LRRC4C: variants seen among roughly 807,000 people sequenced by gnomAD.
LRRC4C encodes the protein leucine-rich repeat-containing protein 4C.
In LRRC4C, 5 loss-of-function variants were observed where a neutral mutation model predicts 33.6. That is an observed-to-expected ratio of 0.15 (90% CI 0.08 to 0.31). LRRC4C has a LOEUF of 0.31. Ranked by LOEUF, LRRC4C falls within the 10% of genes least tolerant of loss-of-function variation. The pLI is 1.00. For synonymous variants in LRRC4C, 329 were observed against 302.0 expected (o/e 1.09, Z -0.93); for missense variants, 560 against 796.7 (o/e 0.70, Z 3.58).
In LRRC4C at chr11:40,116,073, T is replaced by C. The variant is rs745329871; in HGVS notation, c.220A>G (p.Ile74Val). The change falls in exon 7 of 7, where the codon ATC becomes GTC. Residue 74 changes from isoleucine (I) to valine (V), a missense_variant. This residue lies in a region of LRRC4C where 455 missense variants were observed against 643.8 expected (regional missense o/e 0.71). Transcript: ENST00000528697. Reference protein sequence around the residue: ...RKNLREVPDGISTNTRLLNLH... With the variant: ...RKNLREVPDGVSTNTRLLNLH... ...TTCAGCAGCCGTGTGTTGGTGGAGA[T>C]GCCATCCGGAACCTCACGCAGGTTT... is the stretch of plus-strand genomic sequence containing the variant. The C allele has an allele frequency of 6.2e-7, 1 of 1,614,068 alleles. No individual in the cohort carries two copies. Among genetic ancestry groups the C allele is most frequent in the Non-Finnish European group, 8.5e-7 (1 of 1,180,004 alleles).
intron 1 of LRRC4C, among the ~76,000 whole-genome samples, chr11:41,106,414 A>G (rs1407912972): frequency 1.3e-5 from 2 of 151,572 alleles, no homozygotes; most frequent in Non-Finnish European, 2.9e-5. Flanking sequence ...TGCATTGTCT[A>G]CTTTGATCAT....
chr11:40,220,274 A>G (rs1864305992), intron 5 of LRRC4C, among the ~76,000 whole-genome samples: 1 of 152,136 alleles, frequency 6.6e-6, no homozygotes, highest in African/African-American at 2.4e-5. Flanking sequence ...GTCGACTCCT[A>G]CACCTCCCAA....
chr11:41,064,785 G>A (rs1447875626), intron 1 of LRRC4C, among the ~76,000 whole-genome samples: 1 of 152,212 alleles, frequency 6.6e-6, no homozygotes, highest in East Asian at 1.9e-4. Flanking sequence ...GCAGAAGCAG[G>A]GTGGGGCATT....
chr11:41,385,215 A>C (rs9787876), intron 1 of LRRC4C, among the ~76,000 whole-genome samples: 38,345 of 151,238 alleles, frequency 0.25, 5,645 homozygotes, highest in East Asian at 0.43. Context: ...GCAAATAAAA[A>C]TAAAAATCAT....
chr11:40,197,856 T>C (rs1402428813), intron 5 of LRRC4C, among the ~76,000 whole-genome samples: 1 of 152,216 alleles, frequency 6.6e-6, no homozygotes, highest in African/African-American at 2.4e-5. Flanking sequence ...TAGTCAGCCC[T>C]AGATCAATTC....
intron 4 of LRRC4C, among the ~76,000 whole-genome samples, chr11:40,288,947 C>T (rs967359348): frequency 6.6e-6 from 1 of 152,154 alleles, no homozygotes; most frequent in Non-Finnish European, 1.5e-5. Context: ...AGACCAAAAA[C>T]ACACACAGCA....
intron 1 of LRRC4C, among the ~76,000 whole-genome samples, chr11:41,017,741 T>C (rs962009396): frequency 2.0e-5 from 3 of 150,518 alleles, no homozygotes; most frequent in Non-Finnish European, 4.4e-5. Context: ...TATAGAATAA[T>C]CTTTATACTC....
chr11:40,296,225 T>A (rs1477503008), intron 4 of LRRC4C, among the ~76,000 whole-genome samples: 1 of 152,216 alleles, frequency 6.6e-6, no homozygotes, highest in African/African-American at 2.4e-5. Flanking sequence ...AGCTACAGTA[T>A]CTTTACCCAC....
At chr11:41,134,731 T>C (rs1175904004) in intron 1 of LRRC4C, among the ~76,000 whole-genome samples, 1 of 152,130 alleles carries the variant, frequency 6.6e-6, no homozygotes. Flanking sequence ...TGTGACCTCA[T>C]TTTAACTTAA....
chr11:41,144,249 G>C (rs1171940991), intron 1 of LRRC4C, among the ~76,000 whole-genome samples: 3 of 152,276 alleles, frequency 2.0e-5, no homozygotes, highest in East Asian at 1.9e-4. Flanking sequence ...CAAGGGTATA[G>C]AGTGATTGCT....
In LRRC4C at chr11:40,370,336, G is replaced by A. The variant is rs113195895; in HGVS notation, c.-269-50615C>T. Among the ~76,000 whole-genome samples the A allele has an allele frequency of 9.1e-3, 1,381 of 152,270 alleles. 10 individuals are homozygous for A. Among genetic ancestry groups the A allele is most frequent in the Non-Finnish European group, 0.013 (866 of 68,028 alleles). ...CAACATCTAAAACACTCGCTGAAAC[G>A]ACTGCTGCATATGGTACAGGAGGTT... On this transcript the variant is annotated intron_variant, in intron 3 of 6. Coordinates refer to ENST00000528697, the MANE Select transcript of LRRC4C (RefSeq NM_001258419.2).
At chr11:41,220,529 G>GACAC (rs563005245) in intron 1 of LRRC4C, among the ~76,000 whole-genome samples, 2 of 88,478 alleles carry the variant, frequency 2.3e-5, no homozygotes, top group East Asian at 4.5e-4. Flanking sequence ...TAAACACACA[G>GACAC]ACATACACAC....
intron 1 of LRRC4C, among the ~76,000 whole-genome samples, chr11:41,304,795 G>A (rs1413379283): frequency 9.5e-6 from 1 of 105,526 alleles, no homozygotes; most frequent in Non-Finnish European, 2.0e-5. Flanking sequence ...CGCCCGGCCA[G>A]CCGCCCCATC....
chr11:40,770,508 G>A (rs1014527225), intron 2 of LRRC4C, among the ~76,000 whole-genome samples: 18 of 152,176 alleles, frequency 1.2e-4, no homozygotes, highest in African/African-American at 3.9e-4. Flanking sequence ...CAAACCTCAT[G>A]TTTCTCACAT....
intron 3 of LRRC4C, among the ~76,000 whole-genome samples, chr11:40,593,024 A>G (rs184842191): frequency 1.8e-4 from 27 of 152,348 alleles, no homozygotes; most frequent in African/African-American, 6.3e-4. Flanking sequence ...TGAAGAGAGT[A>G]AATTTACTAA....
At chr11:40,415,021 G>T (rs538333457) in intron 3 of LRRC4C, among the ~76,000 whole-genome samples, 1 of 152,242 alleles carries the variant, frequency 6.6e-6, no homozygotes, top group African/African-American at 2.4e-5. Context: ...TGTTTATGAA[G>T]ATTTTAAACT....
In LRRC4C at chr11:40,346,385, T is replaced by A. The variant is rs1321676257; in HGVS notation, c.-269-26664A>T. 3.3e-5 allele frequency among the ~76,000 whole-genome samples: 5 copies of A among 152,290 alleles called. No individual in the cohort carries two copies. The East Asian group carries it at 9.6e-4, about 29-fold the overall frequency. Reference sequence around the variant, plus strand: ...TGTGCAGCCATAAAAATGAATGAGATCATGTCCTTTGCAGGGACATAGAAG... The same window carrying A: ...TGTGCAGCCATAAAAATGAATGAGAACATGTCCTTTGCAGGGACATAGAAG... On this transcript the variant is annotated intron_variant, in intron 3 of 6. Transcript: ENST00000528697.
At chr11:40,197,726 A>G (rs1862378682) in intron 5 of LRRC4C, among the ~76,000 whole-genome samples, 1 of 152,150 alleles carries the variant, frequency 6.6e-6, no homozygotes, top group Non-Finnish European at 1.5e-5. Context: ...GTTTCATATA[A>G]TCTATTGCAT....
intron 3 of LRRC4C, among the ~76,000 whole-genome samples, chr11:40,343,993 T>G (rs1947002143): frequency 6.6e-6 from 1 of 151,978 alleles, no homozygotes; most frequent in South Asian, 2.1e-4. Context: ...AGTTTCAAAA[T>G]TGAATCAGTA....
Sources: allele counts gnomAD v4.1 joint callset (sites outside exome capture counted in the v4.1 genomes callset), GRCh38; gene constraint gnomAD v4.1.1; regional missense constraint gnomAD v4.1.1; transcripts MANE v1.5; gene names NCBI Gene and HGNC (gene_info 2026-07-23, HGNC 2026-07-21).